Variants in ANKFY1 observed in about 807,000 individuals in gnomAD.
The protein encoded by ANKFY1 is ankyrin repeat and FYVE domain containing 1.
In ANKFY1, 47 loss-of-function variants were observed where a neutral mutation model predicts 128.3. That is an observed-to-expected ratio of 0.37 (90% CI 0.29 to 0.47). ANKFY1 has a LOEUF of 0.47. Ranked by LOEUF, ANKFY1 falls within the 20% of genes least tolerant of loss-of-function variation. The probability of loss-of-function intolerance (pLI) is 1.00; values close to 1 mark genes in which losing one functional copy is unlikely to be tolerated. For synonymous variants in ANKFY1, 553 were observed against 601.6 expected (o/e 0.92, Z 1.18); for missense variants, 1,222 against 1,510.6 (o/e 0.81, Z 3.17).
intron 7 of ANKFY1, among the ~76,000 whole-genome samples, chr17:4,204,539 A>G (rs1393155481): frequency 6.6e-6 from 1 of 152,232 alleles, no homozygotes; most frequent in African/African-American, 2.4e-5. Context: ...TAATAAACTC[A>G]GAGTGGAAGG....
At chr17:4,168,965 T>G in intron 24 of ANKFY1, 1 of 517,386 alleles carries the variant, frequency 1.9e-6, no homozygotes, top group Non-Finnish European at 3.5e-6. Flanking sequence ...CTGGAAACTG[T>G]GCACCTTCAG....
At chr17:4,220,311 C>T (rs1015288868) in intron 3 of ANKFY1, among the ~76,000 whole-genome samples, 7 of 152,068 alleles carry the variant, frequency 4.6e-5, no homozygotes, top group East Asian at 1.9e-4. Flanking sequence ...CAGTAGTCAT[C>T]GTAATGAACA....
chr17:4,171,051 A>T (rs998100040), intron 22 of ANKFY1, among the ~76,000 whole-genome samples, 190 bp from the exon 23 acceptor site: 9 of 152,160 alleles, frequency 5.9e-5, no homozygotes, highest in African/African-American at 1.9e-4. Context: ...TCTTCCAATA[A>T]AGGATGTGGC....
intron 6 of ANKFY1, among the ~76,000 whole-genome samples, chr17:4,207,427 G>C (rs1489721113): frequency 6.6e-6 from 1 of 152,166 alleles, no homozygotes; most frequent in Non-Finnish European, 1.5e-5. Context: ...TGGGGACCTC[G>C]ATCCTGTAAG....
At chr17:4,184,177 TACTAAAAAG>T (rs2059569235) in intron 12 of ANKFY1, among the ~76,000 whole-genome samples, 1 of 152,204 alleles carries the variant, frequency 6.6e-6, no homozygotes, top group Non-Finnish European at 1.5e-5. Flanking sequence ...CACGCTTGAT[TACTAAAAAG>T]ACTAAAACAA....
chr17:4,251,740 G>A (rs1445252397), intron 1 of ANKFY1, among the ~76,000 whole-genome samples: 2 of 151,944 alleles, frequency 1.3e-5, no homozygotes, highest in Non-Finnish European at 2.9e-5. Context: ...GAAAATATGT[G>A]CAAAACATCC....
intron 2 of ANKFY1, among the ~76,000 whole-genome samples, chr17:4,238,956 G>T (rs112504685): frequency 6.6e-6 from 1 of 151,996 alleles, no homozygotes; most frequent in South Asian, 2.1e-4. Context: ...ACAGAGTTTC[G>T]CCATTTGGCC....
At chr17:4,198,032 G>A (rs1318770880) in intron 7 of ANKFY1, among the ~76,000 whole-genome samples, 1 of 152,056 alleles carries the variant, frequency 6.6e-6, no homozygotes, top group Non-Finnish European at 1.5e-5. Flanking sequence ...GGGAGGCTGA[G>A]GCACGAGATT....
chr17:4,171,424 G>A (rs951616466), intron 22 of ANKFY1, among the ~76,000 whole-genome samples: 1 of 152,120 alleles, frequency 6.6e-6, no homozygotes. Context: ...GCTAACTGTC[G>A]CTCCCTCTGC....
rs549870023 is a variant in ANKFY1, at chr17:4,211,630, G to A, written c.459-1683C>T. On this transcript the variant is annotated intron_variant, in intron 4 of 24. Transcript: ENST00000341657. ...CACCTGTAATCCCAGCACTCTGGGA[G>A]GCCAAGGCAGGAGGAGTACTTGTGG... Among the ~76,000 whole-genome samples the A allele has an allele frequency of 2.0e-5, 3 of 151,826 alleles. No homozygotes were observed. The East Asian group carries it at 5.9e-4, about 30-fold the overall frequency.
intron 1 of ANKFY1, among the ~76,000 whole-genome samples, chr17:4,245,691 C>T (rs749525140): frequency 2.0e-5 from 3 of 147,076 alleles, no homozygotes; most frequent in African/African-American, 5.1e-5. Flanking sequence ...TGCAAAGAGC[C>T]GAGATTGTGC....
intron 4 of ANKFY1, among the ~76,000 whole-genome samples, chr17:4,210,602 G>A (rs1168370676): frequency 6.6e-6 from 1 of 151,350 alleles, no homozygotes; most frequent in East Asian, 1.9e-4. Flanking sequence ...AAGCTACTCG[G>A]GAGGCTGAGG....
intron 1 of ANKFY1, among the ~76,000 whole-genome samples, chr17:4,259,441 C>T (rs772467181): frequency 1.3e-4 from 20 of 152,142 alleles, no homozygotes; most frequent in Admixed American, 2.0e-4. Context: ...GCCACCATGC[C>T]TGGCTAATTT....
At chr17:4,212,916 ATGT>A (rs1402066997) in intron 4 of ANKFY1, among the ~76,000 whole-genome samples, 2 of 149,404 alleles carry the variant, frequency 1.3e-5, no homozygotes, top group African/African-American at 4.9e-5. Context: ...GATTACAGGC[ATGT>A]GCCGCCACAC....
At chr17:4,237,256 A>G (rs2143310283) in intron 2 of ANKFY1, among the ~76,000 whole-genome samples, 1 of 152,356 alleles carries the variant, frequency 6.6e-6, no homozygotes, top group Admixed American at 6.5e-5. Context: ...AGTATCGGCA[A>G]TTCTAGTTCT....
intron 16 of ANKFY1, among the ~76,000 whole-genome samples, chr17:4,180,839 C>T (rs1022825214): frequency 6.6e-6 from 1 of 151,842 alleles, no homozygotes; most frequent in African/African-American, 2.4e-5. Flanking sequence ...GTGAAGGCTT[C>T]CTGAATAACC....
At chr17:4,250,249 A>T (rs1385704332) in intron 1 of ANKFY1, among the ~76,000 whole-genome samples, 3 of 152,178 alleles carry the variant, frequency 2.0e-5, no homozygotes, top group Non-Finnish European at 2.9e-5. Context: ...TCTTTCCTTC[A>T]ACAGCTCCTG....
chr17:4,197,276 A>G (rs1007054744), intron 8 of ANKFY1, 97 bp downstream of exon 8: 6 of 1,305,218 alleles, frequency 4.6e-6, no homozygotes, highest in Non-Finnish European at 6.6e-6. Context: ...ATAATGCCAA[A>G]CTAAAGAACA....
In ANKFY1 at chr17:4,183,862, C is replaced by T; in HGVS notation, c.1748G>A (p.Ser583Asn). 1 of 1,614,114 alleles carries T rather than the reference C, an allele frequency of 6.2e-7. No homozygotes were observed. The highest frequency in any genetic ancestry group is 8.5e-7 in the Non-Finnish European group (1 of 1,179,954). Residue 583 changes from serine (S) to asparagine (N), a missense_variant, in exon 13 of 25, where the codon AGC becomes AAC. By Grantham distance (46) the Ser-to-Asn change is conservative. Coordinates refer to ENST00000341657, the MANE Select transcript of ANKFY1 (RefSeq NM_001330063.2). ...AGTCTGGTCTCGGGAATCTTTGAGG[C>T]TGAAGTCCGGAATGATCTGCAAGTT... Reference protein sequence around the residue: ...TNNLQIIPDFSLKDSRDQTVL... With the variant: ...TNNLQIIPDFNLKDSRDQTVL...
Sources: gnomAD v4.1 joint callset for allele counts (sites outside exome capture counted in the v4.1 genomes callset) on GRCh38, gnomAD v4.1.1 for gene constraint, MANE v1.5 for transcripts, NCBI Gene and HGNC (gene_info 2026-07-23, HGNC 2026-07-21) for gene names.